The following PTPA variants were observed in gnomAD, a reference collection of about 807,000 sequenced individuals.
The protein encoded by PTPA is protein phosphatase 2 phosphatase activator, also known as serine/threonine-protein phosphatase 2A activator.
A neutral mutation model predicts 43.6 loss-of-function variants in PTPA; 13 were observed. That is an observed-to-expected ratio of 0.30 (90% CI 0.19 to 0.47). PTPA has a LOEUF of 0.47. PTPA is among the 20% of genes least tolerant of loss of function. The pLI, the probability that PTPA is intolerant of heterozygous loss-of-function variation, is 0.99. For synonymous variants in PTPA, 172 were observed against 158.2 expected, an observed-to-expected ratio of 1.09 and a Z score of -0.66; for missense variants, 329 against 411.9, an observed-to-expected ratio of 0.80 and a Z score of 1.74.
At chr9:129,137,515 G>T (rs1194184613) in intron 7 of PTPA, 77 bp from the exon 8 acceptor site, 8 of 1,173,090 alleles carry the variant, frequency 6.8e-6, no homozygotes, top group Admixed American at 4.2e-5. Flanking sequence ...CCCCTGGGGG[G>T]GTGTGACTGC....
rs1032550210 is a variant in PTPA at position 129,111,497 on chromosome 9, G to A, written c.-104G>A. 6 of 1,265,470 alleles carry A rather than the reference G, an allele frequency of 4.7e-6. No individual in the cohort carries two copies. Among genetic ancestry groups the A allele is most frequent in the Non-Finnish European group, 6.0e-6 (6 of 997,174 alleles). 78.4% of individuals were successfully genotyped at this position (1,265,470 alleles called of 1,614,324 possible). ...CCGGCCGGCGCTCACTTGTCTTCAGGAAGCTCGGAGCCTTTGGTGGAGCCG... is the reference window on the plus strand; with the variant it reads ...CCGGCCGGCGCTCACTTGTCTTCAGAAAGCTCGGAGCCTTTGGTGGAGCCG... On this transcript the variant is annotated 5_prime_UTR_variant, in exon 1 of 10. Transcript: ENST00000393370.
intron 9 of PTPA, chr9:129,143,415 T>C (rs1851045069): frequency 2.8e-6 from 2 of 702,912 alleles, no homozygotes; most frequent in Non-Finnish European, 5.2e-6. Context: ...GACACTGTAC[T>C]GTGGGCACCA....
chr9:129,113,052 G>A (rs1337469290), intron 1 of PTPA, among the ~76,000 whole-genome samples: 1 of 116,690 alleles, frequency 8.6e-6, no homozygotes, highest in Non-Finnish European at 1.7e-5. Context: ...GATGGCTGAT[G>A]AGCTAAAAAA....
At chr9:129,133,727 G>A (rs1309072128) in intron 5 of PTPA, among the ~76,000 whole-genome samples, 10 of 152,190 alleles carry the variant, frequency 6.6e-5, no homozygotes, top group African/African-American at 4.8e-5. Context: ...TGCTCTTAGG[G>A]TAAAGTCTGA....
intron 1 of PTPA, among the ~76,000 whole-genome samples, chr9:129,112,462 T>C (rs1241311675): frequency 6.6e-6 from 1 of 152,192 alleles, no homozygotes; most frequent in African/African-American, 2.4e-5. Context: ...TTTGATATTC[T>C]TGCTATCCTG....
At chr9:129,138,863 C>T (rs1588525632) in intron 8 of PTPA, among the ~76,000 whole-genome samples, 2 of 152,216 alleles carry the variant, frequency 1.3e-5, no homozygotes, top group African/African-American at 2.4e-5. Flanking sequence ...GACGGCTGGG[C>T]GGCCACCACT....
intron 6 of PTPA, among the ~76,000 whole-genome samples, chr9:129,135,392 TA>T (rs561522088): frequency 2.4e-4 from 35 of 146,402 alleles, no homozygotes; most frequent in African/African-American, 4.0e-4. Flanking sequence ...GACTCTGTCT[TA>T]AAAAAAAAAA....
Position 129,147,778 on chromosome 9 carries a change from G to C in PTPA, c.*314G>C, listed in dbSNP as rs1175596505. On this transcript the variant is annotated 3_prime_UTR_variant, in exon 10 of 10. Coordinates refer to ENST00000393370, the MANE Select transcript of PTPA (RefSeq NM_178000.3). Reference sequence around the variant, plus strand: ...CCTCTTCTCCCTTCACTCCCGTCCAGTCTGGTTTTGAGAGCAGGGGCTGTT... The same window carrying C: ...CCTCTTCTCCCTTCACTCCCGTCCACTCTGGTTTTGAGAGCAGGGGCTGTT... The C allele has an allele frequency of 5.6e-6, 2 of 357,248 alleles. No homozygotes were observed. Among genetic ancestry groups the C allele is most frequent in the East Asian group, 1.3e-4 (2 of 15,110 alleles). The allele number at this position is 357,248 out of a possible 1,614,324, so 22.1% of individuals were successfully genotyped here.
chr9:129,129,208 A>G (rs1281706344), intron 4 of PTPA, 98 bp downstream of exon 4: 3 of 1,451,998 alleles, frequency 2.1e-6, no homozygotes, highest in Non-Finnish European at 2.8e-6. Context: ...GCTTCTAGGC[A>G]TATACAAATC....
intron 2 of PTPA, 53 bp from the exon 3 acceptor site, chr9:129,122,999 C>CAG: frequency 3.0e-6 from 4 of 1,325,798 alleles, no homozygotes; most frequent in Admixed American, 1.8e-5. Context: ...GCAGGTGGGG[C>CAG]GGGGGGGTCT....
chr9:129,131,592 A>AC lies in PTPA; in HGVS notation c.415dup (p.Leu139ProfsTer12). The AC allele has an allele frequency of 6.2e-7, 1 of 1,614,114 alleles. No individual in the cohort carries two copies. On this transcript the variant is annotated frameshift_variant, in exon 5 of 10. Transcript: ENST00000393370. LOFTEE classifies it high-confidence loss of function. ...GCTGCTGTGCCTGAGGTGGCTGTTT[A>AC]CCTAAAGGAGTCAGTGGGGAACTCC...
At chr9:129,128,405 G>A (rs1849721258) in intron 3 of PTPA, among the ~76,000 whole-genome samples, 1 of 151,994 alleles carries the variant, frequency 6.6e-6, no homozygotes, top group Non-Finnish European at 1.5e-5. Context: ...GCGTGGTGGT[G>A]TGCGCCTTTA....
At chr9:129,127,224 G>A (rs1849638133) in intron 3 of PTPA, among the ~76,000 whole-genome samples, 1 of 152,196 alleles carries the variant, frequency 6.6e-6, no homozygotes, top group East Asian at 1.9e-4. Flanking sequence ...GGGGAGATAA[G>A]AGAGAGCAGC....
rs1351108897 is a variant in PTPA, at chr9:129,136,464, T to C, written c.561-7T>C. 1 of 1,610,428 alleles carries C rather than the reference T, an allele frequency of 6.2e-7. No homozygotes were observed. The highest frequency in any genetic ancestry group is 8.5e-7 in the Non-Finnish European group (1 of 1,178,086). On this transcript the variant is annotated splice_polypyrimidine_tract_variant and splice_region_variant and intron_variant, in intron 6 of 9. Transcript: ENST00000393370. ...GCTACCTTCCCTTTCCCTGTCCTCCTGTGCAGGTACCTTGAGGTTATGCGG... is the reference window on the plus strand; with the variant it reads ...GCTACCTTCCCTTTCCCTGTCCTCCCGTGCAGGTACCTTGAGGTTATGCGG...
chr9:129,146,734 C>T (rs996789009), intron 9 of PTPA, among the ~76,000 whole-genome samples: 6 of 152,166 alleles, frequency 3.9e-5, no homozygotes, highest in African/African-American at 1.4e-4. Context: ...TAGGCCCTGT[C>T]ACTTGCTCTC....
intron 3 of PTPA, among the ~76,000 whole-genome samples, chr9:129,123,858 T>C (rs1221076417): frequency 6.6e-6 from 1 of 152,104 alleles, no homozygotes; most frequent in Non-Finnish European, 1.5e-5. Flanking sequence ...TAATTTTTTA[T>C]TTTTAGTAGA....
intron 2 of PTPA, among the ~76,000 whole-genome samples, chr9:129,121,904 C>T (rs1176331631): frequency 6.6e-6 from 1 of 152,182 alleles, no homozygotes; most frequent in Non-Finnish European, 1.5e-5. Context: ...TGCTGGGGGT[C>T]ATCCCATGGC....
intron 6 of PTPA, 115 bp from the exon 7 acceptor site, chr9:129,136,356 C>T: frequency 2.7e-6 from 3 of 1,118,234 alleles, no homozygotes; most frequent in Non-Finnish European, 3.7e-6. Flanking sequence ...GAAATTGAGA[C>T]CAGTTAACAC....
intron 1 of PTPA, among the ~76,000 whole-genome samples, chr9:129,118,795 G>A (rs1348645457): frequency 2.0e-5 from 3 of 150,288 alleles, no homozygotes; most frequent in Non-Finnish European, 4.4e-5. Context: ...GATTACAGGT[G>A]TGAGCCACTA....
Sources: gnomAD v4.1 joint callset for allele counts (sites outside exome capture counted in the v4.1 genomes callset) on GRCh38, gnomAD v4.1.1 for gene constraint, MANE v1.5 for transcripts, NCBI Gene and HGNC (gene_info 2026-07-23, HGNC 2026-07-21) for gene names.